The following BICC1 variants were observed in gnomAD, a reference collection of about 807,000 sequenced individuals.
BICC1 encodes the protein BicC family RNA binding protein 1.
BICC1 carries 43 observed loss-of-function variants against 111.0 expected under a neutral mutation model. That is an observed-to-expected ratio of 0.39 (90% confidence interval 0.30 to 0.50). The LOEUF is 0.50. BICC1 is among the 20% of genes least tolerant of loss of function. The pLI is 0.88. For missense variants in BICC1, 1,091 were observed against 1,203.2 expected (o/e 0.91, Z 1.38); for synonymous variants, 467 against 434.4 (o/e 1.07, Z -0.93).
At chr10:58,798,151 C>G (rs749518582) in intron 10 of BICC1, among the ~76,000 whole-genome samples, 2 of 152,136 alleles carry the variant, frequency 1.3e-5, no homozygotes, top group Non-Finnish European at 2.9e-5. Flanking sequence ...CCCTAACTGC[C>G]ATCCTGGTCT....
chr10:58,720,601 A>G (rs1189750586), intron 3 of BICC1, among the ~76,000 whole-genome samples: 1 of 152,170 alleles, frequency 6.6e-6, no homozygotes, highest in Non-Finnish European at 1.5e-5. Flanking sequence ...GAGAATCATT[A>G]TGTGTTACAG....
At chr10:58,545,925 C>G (rs1016119564) in intron 1 of BICC1, among the ~76,000 whole-genome samples, 3 of 152,074 alleles carry the variant, frequency 2.0e-5, no homozygotes, top group African/African-American at 7.2e-5. Context: ...TGTTGTTGCT[C>G]TGGAGGTTGG....
chr10:58,682,769 T>A lies in BICC1; in HGVS notation c.238-19305T>A, dbSNP rs1177643623. On this transcript the variant is annotated intron_variant, in intron 2 of 20. Coordinates refer to ENST00000373886, the MANE Select transcript of BICC1 (RefSeq NM_001080512.3). Reference sequence around the variant, plus strand: ...TAAATTTGTTGAAGTTCTTTGTAGATTCTGGATATTAGCCCTTTGTCAGAT... The same window carrying A: ...TAAATTTGTTGAAGTTCTTTGTAGAATCTGGATATTAGCCCTTTGTCAGAT... Among the ~76,000 whole-genome samples, 4 of 152,350 alleles carry A rather than the reference T, an allele frequency of 2.6e-5. No individual in the cohort carries two copies. The East Asian group carries it at 7.7e-4, about 29-fold the overall frequency.
Position 58,708,011 on chromosome 10 carries a change from T to TTTG in BICC1, c.307+5870_307+5871insGTT, listed in dbSNP as rs1258599045. 8.3e-4 allele frequency among the ~76,000 whole-genome samples: 118 copies of TTTG among 141,336 alleles called. 9 individuals carry two copies. Among genetic ancestry groups the TTTG allele is most frequent in the African/African-American group, 3.0e-3 (114 of 37,984 alleles). 92.7% of individuals were successfully genotyped at this position (141,336 alleles called of 152,430 possible). ...CGCGCCTAGCCAGCTAATTTTTTTT[T>TTTG]TTTTGTATTTTTAGTAGAGACAGGG... On this transcript the variant is annotated intron_variant, in intron 3 of 20. Transcript: ENST00000373886.
intron 3 of BICC1, among the ~76,000 whole-genome samples, chr10:58,779,558 C>T (rs955109545): frequency 4.6e-5 from 7 of 152,146 alleles, no homozygotes; most frequent in African/African-American, 1.7e-4. Flanking sequence ...CCTTATAGTA[C>T]TATTTTATAC....
At chr10:58,807,857 A>G (rs779765567) in intron 17 of BICC1, among the ~76,000 whole-genome samples, 9 of 152,156 alleles carry the variant, frequency 5.9e-5, no homozygotes, top group Admixed American at 1.3e-4. Context: ...CACATACACA[A>G]TGCTGGGAGA....
chr10:58,612,141 C>T (rs1390938395), intron 1 of BICC1, among the ~76,000 whole-genome samples: 2 of 152,146 alleles, frequency 1.3e-5, no homozygotes, highest in Non-Finnish European at 2.9e-5. Flanking sequence ...AAGTGTTCTT[C>T]AGTTGGTTAG....
intron 3 of BICC1, among the ~76,000 whole-genome samples, chr10:58,749,554 A>G (rs1841928574): frequency 1.3e-5 from 2 of 152,178 alleles, no homozygotes; most frequent in African/African-American, 4.8e-5. Flanking sequence ...ATTTCGTATA[A>G]TTCAGATGTT....
intron 1 of BICC1, among the ~76,000 whole-genome samples, chr10:58,592,672 G>T (rs976258796): frequency 1.3e-5 from 2 of 151,154 alleles, no homozygotes; most frequent in East Asian, 3.9e-4. Flanking sequence ...CCAAGATCAT[G>T]CTACTGCACG....
intron 2 of BICC1, among the ~76,000 whole-genome samples, chr10:58,670,576 G>A (rs576027212): frequency 6.6e-6 from 1 of 152,244 alleles, no homozygotes; most frequent in African/African-American, 2.4e-5. Flanking sequence ...GACAGGCAGT[G>A]GTCAAGGATG....
intron 1 of BICC1, among the ~76,000 whole-genome samples, chr10:58,570,255 A>T (rs998376782): frequency 2.0e-5 from 3 of 152,180 alleles, no homozygotes; most frequent in Non-Finnish European, 4.4e-5. Context: ...AAGACAATAG[A>T]TGTAGTATCC....
chr10:58,742,506 C>G (rs561179923), intron 3 of BICC1, among the ~76,000 whole-genome samples: 14 of 143,786 alleles, frequency 9.7e-5, no homozygotes, highest in Admixed American at 3.0e-4. Flanking sequence ...GGCACAATCT[C>G]AGCTCACTGT....
chr10:58,814,601 T>A (rs1435020801), intron 18 of BICC1, among the ~76,000 whole-genome samples: 6 of 135,006 alleles, frequency 4.4e-5, no homozygotes, highest in African/African-American at 2.8e-5. Context: ...GGCAACATAG[T>A]GAGATTTCAT....
intron 2 of BICC1, among the ~76,000 whole-genome samples, chr10:58,657,714 C>T (rs1472358362): frequency 6.6e-6 from 1 of 152,132 alleles, no homozygotes; most frequent in Non-Finnish European, 1.5e-5. Flanking sequence ...CTTAACATTT[C>T]CACTTTTGAA....
At chr10:58,809,173 C>T (rs1196123656) in intron 17 of BICC1, among the ~76,000 whole-genome samples, 1 of 151,480 alleles carries the variant, frequency 6.6e-6, no homozygotes, top group African/African-American at 2.4e-5. Context: ...CAGGCATGCG[C>T]CACAACGCTC....
At chr10:58,814,759 G>A (rs1844032590) in intron 18 of BICC1, among the ~76,000 whole-genome samples, 1 of 151,832 alleles carries the variant, frequency 6.6e-6, no homozygotes, top group Non-Finnish European at 1.5e-5. Context: ...TTGAACCACT[G>A]CACTACAGCC....
intron 20 of BICC1, chr10:58,823,689 T>C: frequency 1.0e-6 from 1 of 985,414 alleles, no homozygotes; most frequent in East Asian, 1.1e-4. Context: ...TTTTTTTCTT[T>C]GCTGTAAAGT....
chr10:58,585,529 C>G lies in BICC1; in HGVS notation c.191-35326C>G, dbSNP rs573152785. On this transcript the variant is annotated intron_variant, in intron 1 of 20. Coordinates refer to ENST00000373886, the MANE Select transcript of BICC1 (RefSeq NM_001080512.3). The stretch of plus-strand genomic sequence containing the variant: ...TGAGAACTATTTTCTTTCTAGTTTC[C>G]CCTCCTATTTTTCTTTTTCCGTGAT... 1.3e-3 allele frequency among the ~76,000 whole-genome samples: 198 copies of G among 151,908 alleles called. 4 individuals are homozygous for G. The highest frequency in any genetic ancestry group is 1.3e-3 in the Non-Finnish European group (85 of 67,926).
intron 2 of BICC1, among the ~76,000 whole-genome samples, chr10:58,665,980 G>T (rs761243463): frequency 6.6e-6 from 1 of 152,100 alleles, no homozygotes; most frequent in Non-Finnish European, 1.5e-5. Flanking sequence ...AGACGTACAA[G>T]TTCCTTATGT....
Sources: allele counts gnomAD v4.1 joint callset (sites outside exome capture counted in the v4.1 genomes callset), GRCh38; gene constraint gnomAD v4.1.1; transcripts MANE v1.5; gene names NCBI Gene and HGNC (gene_info 2026-07-23, HGNC 2026-07-21).